RELN: variants seen among roughly 807,000 people sequenced by gnomAD.
The protein encoded by RELN is reelin.
A neutral mutation model predicts 427.6 loss-of-function variants in RELN; 108 were observed. The ratio of observed to expected loss-of-function variants is 0.25; its 90% CI spans 0.22 to 0.30. The LOEUF (loss-of-function observed/expected upper bound fraction) is 0.30, where lower values mean the gene tolerates loss of function less well. Ranked by LOEUF, RELN falls within the 10% of genes least tolerant of loss-of-function variation. RELN has a pLI of 1.00. For missense variants in RELN, 3,715 were observed against 4,302.8 expected, an observed-to-expected ratio of 0.86 and a Z score of 3.82; for synonymous variants, 1,524 against 1,513.4, an observed-to-expected ratio of 1.01 and a Z score of -0.16.
chr7:103,911,568 G>A (rs1460869806), intron 2 of RELN, among the ~76,000 whole-genome samples: 18 of 150,422 alleles, frequency 1.2e-4, no homozygotes, highest in African/African-American at 4.2e-4. Context: ...TGTTTATTGC[G>A]GCATTATTCA....
chr7:103,780,802 T>C (rs141854085), intron 3 of RELN, among the ~76,000 whole-genome samples: 19 of 152,326 alleles, frequency 1.2e-4, no homozygotes, highest in African/African-American at 4.1e-4. Context: ...CAGTCTACCA[T>C]TGATGGAGCC....
intron 1 of RELN, among the ~76,000 whole-genome samples, chr7:103,977,767 A>G (rs1321127429): frequency 6.6e-6 from 1 of 152,022 alleles, no homozygotes; most frequent in Non-Finnish European, 1.5e-5. Flanking sequence ...CCCACCTCCT[A>G]CTAATAAATC....
chr7:103,650,528 T>A lies in RELN; in HGVS notation c.1893-145A>T. 2 of 713,252 alleles carry A rather than the reference T, an allele frequency of 2.8e-6. 1 individual carries two copies. The highest frequency in any genetic ancestry group is 3.0e-5 in the South Asian group (2 of 66,558). The allele number at this position is 713,252 out of a possible 1,614,324, so 44.2% of individuals were successfully genotyped here. On this transcript the variant is annotated intron_variant, in intron 15 of 64. Transcript: ENST00000428762. Reference sequence around the variant, plus strand: ...AAACTCTTTAAATTCACTTGTGGAATTTGTTTGTATCTTTAAAACAGACAT... The same window carrying A: ...AAACTCTTTAAATTCACTTGTGGAAATTGTTTGTATCTTTAAAACAGACAT...
chr7:103,889,717 G>A (rs764596288), intron 2 of RELN, among the ~76,000 whole-genome samples: 6 of 152,046 alleles, frequency 3.9e-5, no homozygotes, highest in Non-Finnish European at 7.4e-5. Flanking sequence ...TAAATATTGA[G>A]GAAGGTTCTG....
chr7:103,703,980 C>T (rs1834146880), intron 8 of RELN, among the ~76,000 whole-genome samples: 1 of 152,136 alleles, frequency 6.6e-6, no homozygotes, highest in African/African-American at 2.4e-5. Flanking sequence ...ACAAAATTAG[C>T]AAACATCCTG....
chr7:103,755,337 A>G (rs1791108618), intron 4 of RELN, among the ~76,000 whole-genome samples: 2 of 151,232 alleles, frequency 1.3e-5, no homozygotes, highest in Admixed American at 6.6e-5. Flanking sequence ...GGCCAGGCGC[A>G]GTGGCTCACG....
At chr7:103,973,935 G>C (rs1178131696) in intron 1 of RELN, among the ~76,000 whole-genome samples, 1 of 152,174 alleles carries the variant, frequency 6.6e-6, no homozygotes, top group East Asian at 1.9e-4. Flanking sequence ...CTGAGATTAG[G>C]AGTTCGAGAC....
intron 10 of RELN, among the ~76,000 whole-genome samples, chr7:103,684,967 G>A (rs1833733599): frequency 6.6e-6 from 1 of 151,996 alleles, no homozygotes; most frequent in Admixed American, 6.6e-5. Context: ...AACATGCATG[G>A]AATATGTTCC....
intron 1 of RELN, among the ~76,000 whole-genome samples, chr7:103,928,088 A>C (rs901280861): frequency 6.6e-6 from 1 of 152,216 alleles, no homozygotes; most frequent in Non-Finnish European, 1.5e-5. Context: ...GATGAAAGGC[A>C]AACTAAAATA....
intron 8 of RELN, among the ~76,000 whole-genome samples, chr7:103,717,871 G>A (rs797012751): frequency 3.8e-4 from 58 of 152,214 alleles, no homozygotes; most frequent in African/African-American, 1.4e-3. Context: ...TGGAGGAATC[G>A]ATTTCTCCTC....
At chr7:103,475,459 C>T (rs1828002829) in intron 64 of RELN, among the ~76,000 whole-genome samples, 1 of 152,016 alleles carries the variant, frequency 6.6e-6, no homozygotes, top group African/African-American at 2.4e-5. Flanking sequence ...TACTCTATAA[C>T]TATAAGGAAT....
intron 40 of RELN, among the ~76,000 whole-genome samples, chr7:103,552,384 C>A (rs12530544): frequency 7.2e-5 from 11 of 152,058 alleles, no homozygotes; most frequent in Admixed American, 7.2e-4. Flanking sequence ...AATAAATATA[C>A]ACTATACATA....
intron 2 of RELN, among the ~76,000 whole-genome samples, chr7:103,904,975 C>CTTTTTTTTTTTTTTTTTTTTTTT (rs67024941): frequency 3.9e-5 from 3 of 77,326 alleles, no homozygotes; most frequent in African/African-American, 4.8e-5. Flanking sequence ...AAGTTCTTTC[C>CTTTTTTTTTTTTTTTTTTTTTTT]TTTTTTTTTT....
intron 1 of RELN, among the ~76,000 whole-genome samples, chr7:103,980,074 T>G (rs778773526): frequency 1.3e-5 from 2 of 151,986 alleles, no homozygotes; most frequent in Non-Finnish European, 2.9e-5. Context: ...GGCAGGAGAC[T>G]TGCTTGAATC....
chr7:103,858,637 C>T (rs1207037610), intron 2 of RELN, among the ~76,000 whole-genome samples: 4 of 152,096 alleles, frequency 2.6e-5, no homozygotes, highest in Admixed American at 6.6e-5. Context: ...TTTACATGAG[C>T]CTTTCCTTTC....
intron 1 of RELN, among the ~76,000 whole-genome samples, chr7:103,949,022 C>CAAAAAAAAAAAAA (rs66678362): frequency 1.1e-5 from 1 of 88,884 alleles, no homozygotes; most frequent in African/African-American, 4.7e-5. Context: ...ACATTGTCTC[C>CAAAAAAAAAAAAA]AAAAAAAAAA....
At chr7:103,809,280 G>T (rs993057651) in intron 3 of RELN, among the ~76,000 whole-genome samples, 1 of 152,162 alleles carries the variant, frequency 6.6e-6, no homozygotes, top group Non-Finnish European at 1.5e-5. Context: ...GACTCAGTGA[G>T]GTACTGGAGG....
In RELN at chr7:103,496,618, G is replaced by C. The variant is rs1375427305; in HGVS notation, c.9101C>G (p.Ser3034Cys). ...TGCCCACTGAGCACGCTCCACCCCA[G>C]AGACCACAATTCCATTGCTGATCAC... ...PFVISNGIVV[S>C]GVERAQWALD... Residue 3034 changes from serine (S) to cysteine (C), a missense_variant, in exon 56 of 65, where the codon TCT (serine) becomes TGT (cysteine). Physicochemically the swap from Ser to Cys is moderately radical, Grantham distance 112 (BLOSUM62 -1). Transcript: ENST00000428762. 6.2e-7 allele frequency: 1 copy of C among 1,614,140 alleles called. No individual in the cohort carries two copies. The highest frequency in any genetic ancestry group is 8.5e-7 in the Non-Finnish European group (1 of 1,180,008).
At chr7:103,593,128 G>A (rs1215672094) in intron 27 of RELN, among the ~76,000 whole-genome samples, 1 of 152,104 alleles carries the variant, frequency 6.6e-6, no homozygotes, top group East Asian at 1.9e-4. Flanking sequence ...TAAACACAAT[G>A]AAATTTTGAT....
Sources: gnomAD v4.1 joint callset for allele counts (sites outside exome capture counted in the v4.1 genomes callset) on GRCh38, gnomAD v4.1.1 for gene constraint, MANE v1.5 for transcripts, NCBI Gene and HGNC (gene_info 2026-07-23, HGNC 2026-07-21) for gene names.